SIPA1L2: variants seen among roughly 807,000 people sequenced by gnomAD.
The protein encoded by SIPA1L2 is signal-induced proliferation-associated 1-like protein 2.
In SIPA1L2, 56 loss-of-function variants were observed where a neutral mutation model predicts 163.9. That is an observed-to-expected ratio of 0.34 (90% CI 0.28 to 0.43). The LOEUF is 0.43. SIPA1L2 is among the 20% of genes least tolerant of loss of function. The pLI, the probability that SIPA1L2 is intolerant of heterozygous loss-of-function variation, is 1.00. For missense variants in SIPA1L2, 1,974 were observed against 2,193.5 expected, an observed-to-expected ratio of 0.90 and a Z score of 2.00; for synonymous variants, 877 against 865.7, an observed-to-expected ratio of 1.01 and a Z score of -0.23.
intron 3 of SIPA1L2, among the ~76,000 whole-genome samples, chr1:232,500,814 T>A (rs981054313): frequency 6.6e-6 from 1 of 152,106 alleles, no homozygotes; most frequent in African/African-American, 2.4e-5. Flanking sequence ...CGTTCTACTG[T>A]GGGTCAAATG....
chr1:232,579,670 T>G (rs996441652), intron 1 of SIPA1L2, among the ~76,000 whole-genome samples: 5 of 152,342 alleles, frequency 3.3e-5, no homozygotes, highest in Non-Finnish European at 4.4e-5. Flanking sequence ...ATCTAACCTC[T>G]GATGCTCCTC....
At chr1:232,629,047 C>T (rs1484467121) in intron 1 of SIPA1L2, among the ~76,000 whole-genome samples, 1 of 152,130 alleles carries the variant, frequency 6.6e-6, no homozygotes, top group African/African-American at 2.4e-5. Context: ...AACCAATGCA[C>T]TTGATTTTTT....
intron 19 of SIPA1L2, 127 bp from the exon 20 acceptor site, chr1:232,404,305 G>C (rs1401090420): frequency 1.4e-6 from 1 of 728,692 alleles, no homozygotes; most frequent in Non-Finnish European, 2.3e-6. Flanking sequence ...AAACCCTTGA[G>C]AGCCAGTATC....
rs569355129 is a variant in SIPA1L2, at chr1:232,625,379, T to C, written c.-319+4490A>G. Among the ~76,000 whole-genome samples the C allele has an allele frequency of 2.6e-5, 4 of 152,256 alleles. No homozygotes were observed. The South Asian group carries it at 8.3e-4, about 32-fold the overall frequency. ...TGGGAGGACAGGTAAAGGTGCCAAATAATATAATCAAATTCTAAAAAGCAT... is the reference window on the plus strand; with the variant it reads ...TGGGAGGACAGGTAAAGGTGCCAAACAATATAATCAAATTCTAAAAAGCAT... On this transcript the variant is annotated intron_variant, in intron 1 of 22. Transcript: ENST00000674635.
intron 10 of SIPA1L2, among the ~76,000 whole-genome samples, chr1:232,453,008 A>C (rs1039576576): frequency 1.3e-5 from 2 of 152,216 alleles, no homozygotes; most frequent in Non-Finnish European, 2.9e-5. Context: ...AAGGCACATA[A>C]AATTTTATGA....
chr1:232,464,816 G>C, intron 9 of SIPA1L2, 24 bp downstream of exon 9: 2 of 1,533,576 alleles, frequency 1.3e-6, no homozygotes, highest in Non-Finnish European at 1.8e-6. Context: ...AAGGATGGCG[G>C]GAAAATAGAA....
In SIPA1L2 at chr1:232,425,595, G is replaced by A; in HGVS notation, c.4624C>T (p.Leu1542=). The change falls in exon 18 of 23, where the codon CTG becomes TTG. Residue 1542 remains leucine, a synonymous_variant. Transcript: ENST00000674635. ...RAHPAPSMGS[L]RNEFWFSDGS... Reference sequence around the variant, plus strand: ...CAGCCAGCCCCTCACTTACTTCTCAGGCTCCCCATGCTGGGTGCGGGGTGG... The same window carrying A: ...CAGCCAGCCCCTCACTTACTTCTCAAGCTCCCCATGCTGGGTGCGGGGTGG... The A allele has an allele frequency of 6.3e-7, 1 of 1,579,332 alleles. No homozygotes were observed. The highest frequency in any genetic ancestry group is 8.6e-7 in the Non-Finnish European group (1 of 1,159,124).
chr1:232,491,979 T>C (rs1229052038), intron 4 of SIPA1L2, among the ~76,000 whole-genome samples: 5 of 152,248 alleles, frequency 3.3e-5, no homozygotes, highest in African/African-American at 1.2e-4. Context: ...TGTTCAGTTA[T>C]TTTAAATTTA....
At chr1:232,522,262 C>G (rs1667489868) in intron 2 of SIPA1L2, among the ~76,000 whole-genome samples, 1 of 152,182 alleles carries the variant, frequency 6.6e-6, no homozygotes, top group Non-Finnish European at 1.5e-5. Flanking sequence ...ATGATTTGGT[C>G]CATGAGTTCC....
At chr1:232,411,794 A>T (rs974088707) in intron 19 of SIPA1L2, among the ~76,000 whole-genome samples, 1 of 152,162 alleles carries the variant, frequency 6.6e-6, no homozygotes, top group Non-Finnish European at 1.5e-5. Flanking sequence ...TCATGATCCT[A>T]AAAAAATTGC....
intron 1 of SIPA1L2, among the ~76,000 whole-genome samples, chr1:232,614,825 C>T (rs971013502): frequency 6.6e-6 from 1 of 152,186 alleles, no homozygotes; most frequent in African/African-American, 2.4e-5. Context: ...AGTTTTCTGC[C>T]TCTTTTTCTA....
At position 232,465,062 on chromosome 1, in the gene SIPA1L2, C is replaced by G. The variant is rs767882117; in HGVS notation, c.2598G>C (p.Gln866His). Residue 866 changes from glutamine (Q) to histidine (H), a missense_variant, in exon 9 of 23, where the codon CAG (glutamine) becomes CAC (histidine). By Grantham distance (24) the Gln-to-His change is conservative (BLOSUM62 0). This residue lies in a region of SIPA1L2 where 1,079 missense variants were observed against 1,150.7 expected (regional missense o/e 0.94). Coordinates refer to ENST00000674635, the MANE Select transcript of SIPA1L2 (RefSeq NM_020808.5). The surrounding 1 kb of genome is among the most constrained non-coding windows in gnomAD (Gnocchi z 4.1). ...MWHVIARDFG[Q>H]SADIECLLGI... ...CGAGAAGACATTCAATGTCAGCAGA[C>G]TGGCCGAAGTCCCGGGCTATCACGT... The G allele has an allele frequency of 6.2e-7, 1 of 1,614,182 alleles. No homozygotes were observed. The highest frequency in any genetic ancestry group is 2.2e-5 in the East Asian group (1 of 44,892).
At chr1:232,463,328 C>T (rs879397703) in intron 9 of SIPA1L2, among the ~76,000 whole-genome samples, 1 of 152,194 alleles carries the variant, frequency 6.6e-6, no homozygotes, top group Admixed American at 6.5e-5. Flanking sequence ...GCATTCCCAA[C>T]ATCTCCACTA....
intron 2 of SIPA1L2, among the ~76,000 whole-genome samples, chr1:232,563,065 G>A (rs2102750188): frequency 6.6e-6 from 1 of 152,204 alleles, no homozygotes. Context: ...CTGTGAGGTG[G>A]GGGAGCCTCC....
chr1:232,582,497 T>A (rs1660433775), intron 1 of SIPA1L2, among the ~76,000 whole-genome samples: 1 of 152,244 alleles, frequency 6.6e-6, no homozygotes, highest in South Asian at 2.1e-4. Context: ...TTCATTCTTT[T>A]CATGACTACA....
chr1:232,577,512 T>C (rs1320113685), intron 1 of SIPA1L2, among the ~76,000 whole-genome samples: 4 of 152,184 alleles, frequency 2.6e-5, no homozygotes, highest in Non-Finnish European at 4.4e-5. Context: ...CTATCACAGA[T>C]AGCAATTCCT....
Position 232,463,064 on chromosome 1 carries a change from C to T in SIPA1L2, c.2820+1776G>A, listed in dbSNP as rs1004813229. On this transcript the variant is annotated intron_variant, in intron 9 of 22. Coordinates refer to ENST00000674635, the MANE Select transcript of SIPA1L2 (RefSeq NM_020808.5). ...TGGGGCCACAAGAAAAATCAAAATG[C>T]GAGGCTCCTTATGAAAAAATTAGTA... 5.3e-5 allele frequency among the ~76,000 whole-genome samples: 8 copies of T among 152,164 alleles called. No homozygotes were observed. The East Asian group carries it at 1.2e-3, about 22-fold the overall frequency.
chr1:232,493,121 C>T (rs1039545826), intron 4 of SIPA1L2, among the ~76,000 whole-genome samples: 1 of 152,100 alleles, frequency 6.6e-6, no homozygotes, highest in Non-Finnish European at 1.5e-5. Flanking sequence ...TGTGGCCCTT[C>T]CCCCTTTACT....
rs184941096 is a variant in SIPA1L2 at position 232,613,036 on chromosome 1, C to T, written c.-319+16833G>A. Among the ~76,000 whole-genome samples, 178 of 152,332 alleles carry T rather than the reference C, an allele frequency of 1.2e-3. 1 individual carries two copies. Among genetic ancestry groups the T allele is most frequent in the African/African-American group, 3.0e-3 (123 of 41,564 alleles). On this transcript the variant is annotated intron_variant, in intron 1 of 22. Coordinates refer to ENST00000674635, the MANE Select transcript of SIPA1L2 (RefSeq NM_020808.5). ...AAGTCTCACGAGATCTGATGGTTTTCATCAAGTGTTTCCGCTTTTACATCT... is the reference window on the plus strand; with the variant it reads ...AAGTCTCACGAGATCTGATGGTTTTTATCAAGTGTTTCCGCTTTTACATCT...
Sources: allele counts gnomAD v4.1 joint callset (sites outside exome capture counted in the v4.1 genomes callset), GRCh38; gene constraint gnomAD v4.1.1; regional missense constraint gnomAD v4.1.1; non-coding constraint Gnocchi (gnomAD v3.1); transcripts MANE v1.5; gene names NCBI Gene and HGNC (gene_info 2026-07-23, HGNC 2026-07-21).